RASAL2: variants seen among roughly 807,000 people sequenced by gnomAD.
RASAL2 encodes ras GTPase-activating protein nGAP.
In RASAL2, 58 loss-of-function variants were observed where a neutral mutation model predicts 128.9. That is an observed-to-expected ratio of 0.45 (90% confidence interval 0.36 to 0.56). The LOEUF (loss-of-function observed/expected upper bound fraction) is 0.56, where lower values mean the gene tolerates loss of function less well. Among genes scored for constraint, RASAL2 ranks in the 20% least tolerant of loss-of-function variants. The pLI is 0.00. For missense variants in RASAL2, 1,360 were observed against 1,601.6 expected (o/e 0.85, Z 2.57); for synonymous variants, 561 against 580.8 (o/e 0.97, Z 0.49).
intron 2 of RASAL2, among the ~76,000 whole-genome samples, chr1:178,292,924 TA>T (rs893798395): frequency 6.6e-6 from 1 of 152,196 alleles, no homozygotes; most frequent in Non-Finnish European, 1.5e-5. Flanking sequence ...GCAAGGCATT[TA>T]AAATGACACT....
intron 1 of RASAL2, among the ~76,000 whole-genome samples, chr1:178,262,927 T>G (rs1665768036): frequency 6.6e-6 from 1 of 152,096 alleles, no homozygotes; most frequent in Admixed American, 6.6e-5. Context: ...TTGTAACTGC[T>G]TCTCTAGCCA....
chr1:178,406,861 G>A (rs948880439), intron 4 of RASAL2, among the ~76,000 whole-genome samples: 6 of 151,590 alleles, frequency 4.0e-5, no homozygotes, highest in Middle Eastern at 3.5e-3. Flanking sequence ...GTAGCATAAT[G>A]ACATTAATGT....
intron 1 of RASAL2, among the ~76,000 whole-genome samples, chr1:178,179,816 C>T (rs893299640): frequency 6.6e-6 from 1 of 152,142 alleles, no homozygotes; most frequent in Non-Finnish European, 1.5e-5. Flanking sequence ...CTAATGACCA[C>T]ACTGCTACAC....
chr1:178,134,459 A>C, intron 1 of RASAL2, among the ~76,000 whole-genome samples: 1 of 7,126 alleles, frequency 1.4e-4, no homozygotes. Context: ...CCCTATCTCA[A>C]AAAAAAAAAA....
chr1:178,242,580 G>A (rs957763502), intron 1 of RASAL2, among the ~76,000 whole-genome samples: 8 of 151,816 alleles, frequency 5.3e-5, no homozygotes, highest in African/African-American at 1.9e-4. Flanking sequence ...TTATAAGTGT[G>A]AGCCACCAAT....
chr1:178,431,159 T>C (rs954704591), intron 5 of RASAL2, among the ~76,000 whole-genome samples: 2 of 152,144 alleles, frequency 1.3e-5, no homozygotes, highest in East Asian at 1.9e-4. Context: ...TAAAAACCCT[T>C]TGTAAACATA....
chr1:178,320,102 G>A (rs1167509185), intron 3 of RASAL2, among the ~76,000 whole-genome samples: 8 of 151,966 alleles, frequency 5.3e-5, no homozygotes, highest in African/African-American at 1.9e-4. Context: ...CAGTTAGGCT[G>A]CTCGGGGGTC....
chr1:178,443,474 C>CT (rs1157369151), intron 8 of RASAL2, among the ~76,000 whole-genome samples: 2 of 152,192 alleles, frequency 1.3e-5, no homozygotes, highest in African/African-American at 4.8e-5. Context: ...ACAGCCAGCT[C>CT]TTTCTTGTCT....
At chr1:178,447,876 G>A (rs1677120281) in intron 9 of RASAL2, among the ~76,000 whole-genome samples, 1 of 151,450 alleles carries the variant, frequency 6.6e-6, no homozygotes, top group South Asian at 2.1e-4. Flanking sequence ...GGTGTTGTGA[G>A]TGACTAGGGG....
At chr1:178,451,451 C>G in intron 9 of RASAL2, 120 bp from the exon 10 acceptor site, 1 of 1,102,970 alleles carries the variant, frequency 9.1e-7, no homozygotes, top group South Asian at 2.0e-5. Context: ...TTGTGCCCTC[C>G]CTGTCAGATC....
Position 178,475,162 on chromosome 1 carries a change from ACAGTTTCTTT to A in RASAL2, c.*1926_*1935del, listed in dbSNP as rs1197545349. 2.6e-5 allele frequency: 4 copies of A among 152,160 alleles called. No individual in the cohort carries two copies. Among genetic ancestry groups the A allele is most frequent in the Non-Finnish European group, 1.5e-5 (1 of 68,042 alleles). The allele number at this position is 152,160 out of a possible 1,614,324, so 9.4% of individuals were successfully genotyped here. ...GCCACATAACCCACAACCTTTTAAAACAGTTTCTTTCATAGCAATCCCTGTTTCTGCCAGA... is the reference window on the plus strand; with the variant it reads ...GCCACATAACCCACAACCTTTTAAAACATAGCAATCCCTGTTTCTGCCAGA... On this transcript the variant is annotated 3_prime_UTR_variant, in exon 18 of 18. Transcript: ENST00000367649.
intron 5 of RASAL2, among the ~76,000 whole-genome samples, chr1:178,421,897 A>G (rs1675164805): frequency 6.6e-6 from 1 of 151,990 alleles, no homozygotes; most frequent in African/African-American, 2.4e-5. Flanking sequence ...TAAGGTAATC[A>G]TAAAAAAAGA....
At chr1:178,404,204 C>A (rs185111728) in intron 4 of RASAL2, among the ~76,000 whole-genome samples, 7 of 142,232 alleles carry the variant, frequency 4.9e-5, no homozygotes, top group Admixed American at 4.4e-4. Flanking sequence ...CCAGCTGAGG[C>A]TACAGTGCGA....
chr1:178,452,739 C>T (rs1677471680), intron 11 of RASAL2, 87 bp downstream of exon 11: 1 of 1,052,766 alleles, frequency 9.5e-7, no homozygotes, highest in African/African-American at 1.6e-5. Flanking sequence ...GGAGCCTCAT[C>T]ACTCATGTTA....
At chr1:178,362,934 A>T (rs2102485381) in intron 3 of RASAL2, among the ~76,000 whole-genome samples, 1 of 152,118 alleles carries the variant, frequency 6.6e-6, no homozygotes, top group Non-Finnish European at 1.5e-5. Flanking sequence ...TTGCTTCCAT[A>T]ACTTGTATTG....
rs1276440145 is a variant in RASAL2 at position 178,458,452 on chromosome 1, C to A, written c.3160C>A (p.Gln1054Lys). 1.9e-6 allele frequency: 3 copies of A among 1,614,182 alleles called. No individual in the cohort carries two copies. Among genetic ancestry groups the A allele is most frequent in the Non-Finnish European group, 2.5e-6 (3 of 1,180,036 alleles). Residue 1054 changes from glutamine to lysine, a missense_variant, in exon 14 of 18, where the codon CAG (glutamine) becomes AAG (lysine). By Grantham distance (53) the Gln-to-Lys change is moderately conservative. This residue lies in a region of RASAL2 where 741 missense variants were observed against 868.6 expected (regional missense o/e 0.85). Coordinates refer to ENST00000367649, the MANE Select transcript of RASAL2 (RefSeq NM_170692.4). ...VSAALVAEPV[Q>K]NGSRSRQQSS... ...CGCAGCCCTGGTGGCCGAACCTGTG[C>A]AGAATGGGAGCCGGTCCCGGCAGCA...
intron 4 of RASAL2, among the ~76,000 whole-genome samples, chr1:178,406,246 A>G (rs982585039): frequency 5.9e-5 from 9 of 152,264 alleles, no homozygotes; most frequent in African/African-American, 7.2e-5. Context: ...TGGTGTACCC[A>G]TACAGTGGAA....
intron 1 of RASAL2, among the ~76,000 whole-genome samples, chr1:178,279,038 A>G (rs981582254): frequency 6.6e-6 from 1 of 152,356 alleles, no homozygotes; most frequent in Admixed American, 6.5e-5. Context: ...GAAGGAGCCC[A>G]AAGTTTGCTT....
chr1:178,106,451 A>G (rs1659093491), intron 1 of RASAL2, among the ~76,000 whole-genome samples: 1 of 152,174 alleles, frequency 6.6e-6, no homozygotes, highest in Non-Finnish European at 1.5e-5. Context: ...CTATTTTGAA[A>G]TGGCTGCTTT....
Sources: gnomAD v4.1 joint callset for allele counts (sites outside exome capture counted in the v4.1 genomes callset) on GRCh38, gnomAD v4.1.1 for gene constraint, gnomAD v4.1.1 regional missense constraint, MANE v1.5 for transcripts, NCBI Gene and HGNC (gene_info 2026-07-23, HGNC 2026-07-21) for gene names.